PAAF1: variants seen among roughly 807,000 people sequenced by gnomAD.
PAAF1 encodes proteasomal ATPase-associated factor 1.
In PAAF1, 46 loss-of-function variants were observed where a neutral mutation model predicts 52.8. The observed-to-expected ratio is 0.87, with a 90% CI of 0.69 to 1.11. PAAF1 has a LOEUF of 1.11. Among genes scored for constraint, PAAF1 ranks in the 50% most tolerant of loss-of-function variants. The pLI is 0.00. For synonymous variants in PAAF1, 178 were observed against 172.8 expected (o/e 1.03, Z -0.24); for missense variants, 424 against 477.4 (o/e 0.89, Z 1.04).
intron 4 of PAAF1, among the ~76,000 whole-genome samples, chr11:73,897,073 C>A (rs1949404444): frequency 1.4e-5 from 2 of 142,946 alleles, no homozygotes; most frequent in Non-Finnish European, 1.5e-5. Context: ...GCGCCCCTCA[C>A]CTCCCAGACG....
intron 2 of PAAF1, among the ~76,000 whole-genome samples, chr11:73,883,153 T>C (rs1948964086): frequency 6.6e-6 from 1 of 151,918 alleles, no homozygotes; most frequent in South Asian, 2.1e-4. Flanking sequence ...ATACATGGGG[T>C]CTCGCTGTGT....
intron 2 of PAAF1, among the ~76,000 whole-genome samples, chr11:73,886,466 G>C (rs567400670): frequency 6.6e-6 from 1 of 152,038 alleles, no homozygotes; most frequent in Non-Finnish European, 1.5e-5. Context: ...ACGAGGTCAG[G>C]AGATCGAGTC....
At chr11:73,925,435 T>TA (rs2135240002) in intron 11 of PAAF1, among the ~76,000 whole-genome samples, 1 of 144,898 alleles carries the variant, frequency 6.9e-6, no homozygotes, top group Non-Finnish European at 1.5e-5. Flanking sequence ...CATTGCACTC[T>TA]AGTCTGGGCA....
chr11:73,916,148 AC>A, intron 8 of PAAF1, among the ~76,000 whole-genome samples: 1 of 152,116 alleles, frequency 6.6e-6, no homozygotes. Context: ...CCTACAAAAT[AC>A]CCTCCTTCAA....
In PAAF1 at chr11:73,927,702, AG is replaced by A. The variant is rs1950400819; in HGVS notation, c.*342del. 8.0e-6 allele frequency: 2 copies of A among 248,732 alleles called. No homozygotes were observed. Among genetic ancestry groups the A allele is most frequent in the South Asian group, 2.1e-4 (2 of 9,754 alleles). 15.4% of individuals were successfully genotyped at this position (248,732 alleles called of 1,614,324 possible). ...CTCAGTACTAAAGCCTGTTCTCTGG[AG>A]GAAATAAAGAAAATATGTTTGGAGG... On this transcript the variant is annotated 3_prime_UTR_variant, in exon 12 of 12. Coordinates refer to ENST00000310571, the MANE Select transcript of PAAF1 (RefSeq NM_025155.3).
chr11:73,921,670 T>C, intron 10 of PAAF1: 1 of 772,848 alleles, frequency 1.3e-6, no homozygotes, highest in Non-Finnish European at 2.3e-6. Context: ...TGTCCAGGTC[T>C]TGAAAGACTC....
intron 10 of PAAF1, among the ~76,000 whole-genome samples, chr11:73,922,844 AT>A (rs1950259649): frequency 6.7e-6 from 1 of 150,088 alleles, no homozygotes; most frequent in Non-Finnish European, 1.5e-5. Flanking sequence ...AAGAAGTTGG[AT>A]ATAGATGATT....
intron 4 of PAAF1, among the ~76,000 whole-genome samples, chr11:73,897,786 C>G (rs949089604): frequency 6.6e-6 from 1 of 152,110 alleles, no homozygotes; most frequent in Non-Finnish European, 1.5e-5. Flanking sequence ...GGGTGGCGGC[C>G]GGGCAGAGGC....
intron 2 of PAAF1, among the ~76,000 whole-genome samples, chr11:73,886,220 A>G (rs1949052887): frequency 6.6e-6 from 1 of 152,202 alleles, no homozygotes; most frequent in Non-Finnish European, 1.5e-5. Flanking sequence ...ATGTGTATAT[A>G]CTGTAGATAA....
chr11:73,880,416 A>C (rs1188803036), intron 2 of PAAF1: 1 of 151,236 alleles, frequency 6.6e-6, no homozygotes, highest in Admixed American at 6.6e-5. Flanking sequence ...TCCTATTCTA[A>C]CTGCTTGAGC....
intron 2 of PAAF1, among the ~76,000 whole-genome samples, chr11:73,881,974 A>G (rs1242524798): frequency 1.3e-5 from 2 of 151,982 alleles, no homozygotes; most frequent in Non-Finnish European, 2.9e-5. Flanking sequence ...TCCCAGATTC[A>G]AGCAATTCTC....
intron 10 of PAAF1, among the ~76,000 whole-genome samples, chr11:73,920,216 A>G (rs934171746): frequency 2.0e-5 from 3 of 152,028 alleles, no homozygotes; most frequent in African/African-American, 7.2e-5. Flanking sequence ...AAAATATAAT[A>G]TTTTTTATAT....
At position 73,905,990 on chromosome 11, in the gene PAAF1, A is replaced by G. The variant is rs368998868; in HGVS notation, c.533-3409A>G. Among the ~76,000 whole-genome samples the G allele has an allele frequency of 1.1e-3, 175 of 152,344 alleles. 3 individuals are homozygous for G. The South Asian group carries it at 0.02, about 17-fold the overall frequency. On this transcript the variant is annotated intron_variant, in intron 6 of 11. Transcript: ENST00000310571. Reference sequence around the variant, plus strand: ...ATTCCTTAGGATTCTTAAAAGCTCTAAGATACTTTCTAATTAGATTTTTGC... The same window carrying G: ...ATTCCTTAGGATTCTTAAAAGCTCTGAGATACTTTCTAATTAGATTTTTGC...
At chr11:73,894,822 T>G (rs1949301096) in intron 4 of PAAF1, among the ~76,000 whole-genome samples, 1 of 151,998 alleles carries the variant, frequency 6.6e-6, no homozygotes, top group South Asian at 2.1e-4. Flanking sequence ...AGACTCTGTC[T>G]CAAAAAATAA....
At chr11:73,921,644 C>T in intron 10 of PAAF1, 2 of 691,788 alleles carry the variant, frequency 2.9e-6, no homozygotes, top group South Asian at 2.7e-5. Context: ...ATGGTGGCTG[C>T]CCGTGCTCCT....
In PAAF1 at chr11:73,897,222, C is replaced by T. The variant is rs1241594343; in HGVS notation, c.283-1924C>T. Reference sequence around the variant, plus strand: ...CTCCCTCCCGGACGGGGCGGCTGGCCGGGCGGGGGGCTGACCCCCCCCACC... The same window carrying T: ...CTCCCTCCCGGACGGGGCGGCTGGCTGGGCGGGGGGCTGACCCCCCCCACC... On this transcript the variant is annotated intron_variant, in intron 4 of 11. Transcript: ENST00000310571. Among the ~76,000 whole-genome samples the T allele has an allele frequency of 1.5e-4, 17 of 109,740 alleles. 1 individual carries two copies. The highest frequency in any genetic ancestry group is 5.1e-3 in the Middle Eastern group (1 of 196). 72.0% of individuals were successfully genotyped at this position (109,740 alleles called of 152,430 possible). A position where few individuals can be genotyped will look rare whatever the true frequency, so the allele number is the denominator to read the frequency against.
At chr11:73,893,455 G>A (rs1467721283) in intron 4 of PAAF1, among the ~76,000 whole-genome samples, 1 of 152,042 alleles carries the variant, frequency 6.6e-6, no homozygotes, top group Non-Finnish European at 1.5e-5. Flanking sequence ...TTGAAAACTA[G>A]GCTGGGCGCA....
chr11:73,915,904 T>C (rs1389031579), intron 8 of PAAF1, among the ~76,000 whole-genome samples: 1 of 152,236 alleles, frequency 6.6e-6, no homozygotes, highest in African/African-American at 2.4e-5. Context: ...CCATTTTTGC[T>C]AATATCGCCT....
chr11:73,902,576 T>C (rs1949651562), intron 6 of PAAF1, among the ~76,000 whole-genome samples: 1 of 152,248 alleles, frequency 6.6e-6, no homozygotes, highest in Admixed American at 6.5e-5. Context: ...ATAAATACCT[T>C]TGGATCACTG....
Sources: allele counts gnomAD v4.1 joint callset (sites outside exome capture counted in the v4.1 genomes callset), GRCh38; gene constraint gnomAD v4.1.1; transcripts MANE v1.5; gene names NCBI Gene and HGNC (gene_info 2026-07-23, HGNC 2026-07-21).